KDM2B: variants seen among roughly 807,000 people sequenced by gnomAD.
KDM2B encodes lysine demethylase 2B.
KDM2B carries 26 observed loss-of-function variants against 150.0 expected under a neutral mutation model. The observed-to-expected ratio is 0.17, with a 90% confidence interval of 0.13 to 0.24. The LOEUF (loss-of-function observed/expected upper bound fraction) is 0.24. Ranked by LOEUF, KDM2B falls within the 10% of genes least tolerant of loss-of-function variation. The probability of loss-of-function intolerance (pLI) is 1.00; values close to 1 mark genes in which losing one functional copy is unlikely to be tolerated. For missense variants in KDM2B, 1,265 were observed against 1,816.9 expected (o/e 0.70, Z 5.52); for synonymous variants, 734 against 729.5 (o/e 1.01, Z -0.10).
chr12:121,417,723 T>G, the KDM2B span: 1 of 1,614,162 alleles, frequency 6.2e-7, no homozygotes, highest in Non-Finnish European at 8.5e-7. The surrounding 1 kb of genome is among the most constrained non-coding windows in gnomAD (Gnocchi z 5.0). Context: ...TCTAGTACTG[T>G]GCCATCATGG....
chr12:121,467,305 C>G lies in KDM2B; in HGVS notation c.1735-13961G>C, dbSNP rs1187986563. 2.0e-6 allele frequency: 2 copies of G among 981,632 alleles called. No individual in the cohort carries two copies. The highest frequency in any genetic ancestry group is 1.2e-4 in the East Asian group (1 of 8,652). 60.8% of individuals were successfully genotyped at this position (981,632 alleles called of 1,614,324 possible). ...GGAGCAGGCTCGGCTCGCCCTGGCT[C>G]GGGCTCGGGCTCGGGCTCGGGCTCC... On this transcript the variant is annotated intron_variant, in intron 12 of 22. Coordinates refer to ENST00000377071, the MANE Select transcript of KDM2B (RefSeq NM_032590.5). The surrounding 1 kb of genome is among the most constrained non-coding windows in gnomAD (Gnocchi z 5.1).
At chr12:121,572,443 C>T (rs1891168952) in intron 4 of KDM2B, among the ~76,000 whole-genome samples, 2 of 152,136 alleles carry the variant, frequency 1.3e-5, no homozygotes, top group African/African-American at 4.8e-5. Flanking sequence ...AAGTTTATCC[C>T]CCGACTTCCC....
At chr12:121,417,418 T>G in the KDM2B span, 68 of 1,229,604 alleles carry the variant, frequency 5.5e-5, no homozygotes, top group Non-Finnish European at 7.7e-5. The surrounding 1 kb of genome is among the most constrained non-coding windows in gnomAD (Gnocchi z 5.0). Context: ...AGAACTAAAA[T>G]TAAATTTTAG....
rs1483480017 is a variant in KDM2B, at chr12:121,570,040, G to GT, written c.397+4506dup. On this transcript the variant is annotated intron_variant, in intron 4 of 22. Transcript: ENST00000377071. ...AATTTTTGTGTTTTGGGTTTTTTGG[G>GT]TTTTTTTGGTTTTGTTTTGTTTTGT... Among the ~76,000 whole-genome samples, 4 of 151,636 alleles carry GT rather than the reference G, an allele frequency of 2.6e-5. No individual in the cohort carries two copies. In the South Asian group the frequency reaches 8.4e-4, roughly 32 times the overall value.
At chr12:121,459,364 T>C (rs1164226084) in intron 12 of KDM2B, among the ~76,000 whole-genome samples, 5 of 152,254 alleles carry the variant, frequency 3.3e-5, no homozygotes, top group Admixed American at 6.5e-5. Context: ...TCACACCACA[T>C]ATACAAATTA....
At chr12:121,563,425 G>A (rs1890480030) in intron 4 of KDM2B, among the ~76,000 whole-genome samples, 1 of 151,662 alleles carries the variant, frequency 6.6e-6, no homozygotes, top group East Asian at 1.9e-4. Context: ...TGGCCAATAT[G>A]GTGAAACCCC....
rs141026474 is a variant in KDM2B at position 121,458,853 on chromosome 12, C to T, written c.1735-5509G>A. On this transcript the variant is annotated intron_variant, in intron 12 of 22. Transcript: ENST00000377071. ...CTGTAATCCCAGCACTTTGGGAGGC[C>T]AAGGTGGGCAGATCACAAGATCAAC... Among the ~76,000 whole-genome samples, 517 of 151,514 alleles carry T rather than the reference C, an allele frequency of 3.4e-3. 3 individuals carry two copies. The highest frequency in any genetic ancestry group is 0.012 in the African/African-American group (497 of 41,222).
At chr12:121,465,970 G>A (rs1338660587) in intron 12 of KDM2B, among the ~76,000 whole-genome samples, 1 of 152,192 alleles carries the variant, frequency 6.6e-6, no homozygotes, top group Non-Finnish European at 1.5e-5. Context: ...CAATCCGAAA[G>A]AGCCGTGAGA....
rs372472880 is a variant in KDM2B, at chr12:121,439,844, G to A, written c.3829+13C>T. Reference sequence around the variant, plus strand: ...GGAGTGTTAGGCAGACCCGATGGGGGCCCCTGACTCACCAGACAGGTTGAT... The same window carrying A: ...GGAGTGTTAGGCAGACCCGATGGGGACCCCTGACTCACCAGACAGGTTGAT... On this transcript the variant is annotated intron_variant, in intron 22 of 22. Coordinates refer to ENST00000377071, the MANE Select transcript of KDM2B (RefSeq NM_032590.5). 6.2e-7 allele frequency: 1 copy of A among 1,608,702 alleles called. No individual in the cohort carries two copies. Among genetic ancestry groups the A allele is most frequent in the Non-Finnish European group, 8.5e-7 (1 of 1,175,166 alleles).
chr12:121,579,351 C>A (rs917476673), intron 1 of KDM2B, among the ~76,000 whole-genome samples: 1 of 152,208 alleles, frequency 6.6e-6, no homozygotes, highest in East Asian at 1.9e-4. Context: ...GCGCCCGGCT[C>A]GGCGGTAACA....
In KDM2B at chr12:121,489,601, G is replaced by A. The variant is rs1883141741; in HGVS notation, c.1734+4978C>T. Among the ~76,000 whole-genome samples, 4 of 152,128 alleles carry A rather than the reference G, an allele frequency of 2.6e-5. No individual in the cohort carries two copies. In the South Asian group the frequency reaches 8.3e-4, roughly 32 times the overall value. Reference sequence around the variant, plus strand: ...ACTACAGGCGCCTGCCACCATATCTGGCTAATTTTTGTATTTTTAGTAGAG... The same window carrying A: ...ACTACAGGCGCCTGCCACCATATCTAGCTAATTTTTGTATTTTTAGTAGAG... On this transcript the variant is annotated intron_variant, in intron 12 of 22. Transcript: ENST00000377071.
At chr12:121,420,068 C>T in the KDM2B span, 1 of 547,202 alleles carries the variant, frequency 1.8e-6, no homozygotes. Flanking sequence ...AAGGTAGGTT[C>T]TTCATGCAAT....
At chr12:121,552,707 C>T (rs1346134897) in intron 4 of KDM2B, among the ~76,000 whole-genome samples, 1 of 150,896 alleles carries the variant, frequency 6.6e-6, no homozygotes, top group African/African-American at 2.4e-5. Flanking sequence ...TTCCAGACCA[C>T]AGCAGTGGCC....
chr12:121,420,528 AG>A, the KDM2B span: 2 of 1,595,026 alleles, frequency 1.3e-6, no homozygotes, highest in Non-Finnish European at 8.6e-7. Context: ...TAGAGTGGGG[AG>A]GGTCTGGACT....
At chr12:121,457,049 G>A (rs532631913) in intron 12 of KDM2B, among the ~76,000 whole-genome samples, 6 of 152,200 alleles carry the variant, frequency 3.9e-5, no homozygotes, top group South Asian at 2.1e-4. Context: ...GACAGACCTC[G>A]GAGGCCTCCA....
intron 8 of KDM2B, among the ~76,000 whole-genome samples, chr12:121,523,885 C>A (rs1466379596): frequency 6.6e-6 from 1 of 152,220 alleles, no homozygotes; most frequent in Admixed American, 6.5e-5. Flanking sequence ...TCCCATCCCA[C>A]GACCTTCACC....
intron 14 of KDM2B, 127 bp from the exon 15 acceptor site, chr12:121,444,663 T>C (rs1024613835): frequency 6.5e-6 from 5 of 773,618 alleles, no homozygotes; most frequent in Admixed American, 4.1e-5. Flanking sequence ...CTATCCCGTT[T>C]CCAGGCAAAA....
chr12:121,501,748 G>A (rs1196167974), intron 11 of KDM2B, among the ~76,000 whole-genome samples: 2 of 152,148 alleles, frequency 1.3e-5, no homozygotes, highest in African/African-American at 2.4e-5. Flanking sequence ...AGCCTCCAGA[G>A]TAGCTGTGAT....
chr12:121,581,071 A>G (rs1891939751), upstream of KDM2B: 7 of 921,122 alleles, frequency 7.6e-6, no homozygotes, highest in Non-Finnish European at 1.1e-5. Context: ...GCTGACCGGA[A>G]GACGTTGCCT....
Sources: allele counts gnomAD v4.1 joint callset (sites outside exome capture counted in the v4.1 genomes callset), GRCh38; gene constraint gnomAD v4.1.1; non-coding constraint Gnocchi (gnomAD v3.1); transcripts MANE v1.5; gene names NCBI Gene and HGNC (gene_info 2026-07-23, HGNC 2026-07-21).